The following PSIP1 variants were observed in gnomAD, a reference collection of about 807,000 sequenced individuals.
PSIP1 encodes the protein PC4 and SRSF1 interacting protein 1, also known as PC4 and SFRS1-interacting protein.
In PSIP1, 19 loss-of-function variants were observed where a neutral mutation model predicts 74.7. That is an observed-to-expected ratio of 0.25 (90% CI 0.18 to 0.37). The LOEUF (loss-of-function observed/expected upper bound fraction) is 0.37. Ranked by LOEUF, PSIP1 falls within the 10% of genes least tolerant of loss-of-function variation. The pLI, the probability that PSIP1 is intolerant of heterozygous loss-of-function variation, is 1.00. For synonymous variants in PSIP1, 222 were observed against 195.3 expected (o/e 1.14, Z -1.14); for missense variants, 601 against 614.3 (o/e 0.98, Z 0.23).
rs2037840355 is a variant in PSIP1 at position 15,510,881 on chromosome 9, A to G, written c.-206T>C. 2 of 152,292 alleles carry G rather than the reference A, an allele frequency of 1.3e-5. No individual in the cohort carries two copies. The highest frequency in any genetic ancestry group is 1.3e-4 in the Admixed American group (2 of 15,274). The allele number at this position is 152,292 out of a possible 1,614,324, so 9.4% of individuals were successfully genotyped here. ...GGTCGCCTCTACCCGCGTCCACGCA[A>G]GCCACCTGCGCCACCAGCTGCCGCA... is the stretch of plus-strand genomic sequence containing the variant. On this transcript the variant is annotated 5_prime_UTR_variant, in exon 1 of 16. Transcript: ENST00000380733.
chr9:15,490,504 G>A lies in PSIP1; in HGVS notation c.150-380C>T, dbSNP rs369898696. Among the ~76,000 whole-genome samples, 6 of 152,002 alleles carry A rather than the reference G, an allele frequency of 3.9e-5. No homozygotes were observed. In the East Asian group the frequency reaches 7.8e-4, roughly 20 times the overall value. Reference sequence around the variant, plus strand: ...TTGAGACCAGCCTGGCCAACATGGTGAAACCCCATCTCTACTAAAAATACA... The same window carrying A: ...TTGAGACCAGCCTGGCCAACATGGTAAAACCCCATCTCTACTAAAAATACA... On this transcript the variant is annotated intron_variant, in intron 3 of 15. Transcript: ENST00000380733.
chr9:15,486,924 G>A lies in PSIP1; in HGVS notation c.296C>T (p.Thr99Ile), dbSNP rs1355515622. 3 of 1,602,922 alleles carry A rather than the reference G, an allele frequency of 1.9e-6. No individual in the cohort carries two copies. The highest frequency in any genetic ancestry group is 2.2e-5 in the East Asian group (1 of 44,642). Residue 99 changes from threonine to isoleucine, a missense_variant, in exon 5 of 16, where the codon ACT becomes ATT. Transcript: ENST00000380733. ...ATCAGATGATGCATTTGATTGTTTA[G>A]TTGCTGCCTGTGAGCAATCAACTCT... ...KVKFSSQQAA[T>I]KQSNASSDVE...
In PSIP1 at chr9:15,477,619, C is replaced by T. The variant is rs552228217; in HGVS notation, c.629+858G>A. Among the ~76,000 whole-genome samples, 180 of 151,972 alleles carry T rather than the reference C, an allele frequency of 1.2e-3. 2 individuals are homozygous for T. The highest frequency in any genetic ancestry group is 4.1e-3 in the African/African-American group (168 of 41,458). Reference sequence around the variant, plus strand: ...ACAAAAAGTTTTTCTCCCCCTTTGTCTAAATATACTCTCTATTCCTTCTGG... The same window carrying T: ...ACAAAAAGTTTTTCTCCCCCTTTGTTTAAATATACTCTCTATTCCTTCTGG... On this transcript the variant is annotated intron_variant, in intron 8 of 15. Coordinates refer to ENST00000380733, the MANE Select transcript of PSIP1 (RefSeq NM_033222.5).
At chr9:15,501,155 C>T (rs995895624) in intron 3 of PSIP1, among the ~76,000 whole-genome samples, 2 of 151,774 alleles carry the variant, frequency 1.3e-5, no homozygotes, top group African/African-American at 2.4e-5. Flanking sequence ...GGTTATATAG[C>T]AGGTAAATGG....
intron 14 of PSIP1, 159 bp downstream of exon 14, chr9:15,468,471 T>A: frequency 1.2e-6 from 1 of 826,688 alleles, no homozygotes; most frequent in Admixed American, 1.7e-5. Context: ...CACACTGCTC[T>A]AGTCCTTCAA....
At chr9:15,506,140 G>C (rs1027092900) in intron 3 of PSIP1, 1 of 154,108 alleles carries the variant, frequency 6.5e-6, no homozygotes, top group Non-Finnish European at 1.4e-5. Flanking sequence ...TAAACACATG[G>C]AGGGAACTAG....
intron 3 of PSIP1, among the ~76,000 whole-genome samples, chr9:15,499,741 G>A (rs2037244096): frequency 6.6e-6 from 1 of 152,068 alleles, no homozygotes; most frequent in South Asian, 2.1e-4. Context: ...GGGCTTGGGG[G>A]CGCGTCCCTG....
chr9:15,490,139 G>C lies in PSIP1; in HGVS notation c.150-15C>G. 6.4e-7 allele frequency: 1 copy of C among 1,563,828 alleles called. No individual in the cohort carries two copies. Among genetic ancestry groups the C allele is most frequent in the South Asian group, 1.2e-5 (1 of 82,262 alleles). ...CTAAAAAAGCACTAAAAAAGAAGTG[G>C]GGAAGATGTGAGTGCAAAGCAAGCT... On this transcript the variant is annotated splice_polypyrimidine_tract_variant and intron_variant, in intron 3 of 15. Transcript: ENST00000380733.
chr9:15,496,671 T>C (rs2037088710), intron 3 of PSIP1, among the ~76,000 whole-genome samples: 1 of 152,230 alleles, frequency 6.6e-6, no homozygotes, highest in Admixed American at 6.5e-5. Context: ...TTATTAACCA[T>C]AATGGTTCAA....
chr9:15,465,425 C>T lies in PSIP1; in HGVS notation c.*95G>A, dbSNP rs2035550462. ...TCAAAACAAGTTTTCAACATCAAAC[C>T]TATGCTTATAAAAATTTAAAACTTT... On this transcript the variant is annotated 3_prime_UTR_variant, in exon 16 of 16. Transcript: ENST00000380733. 4.4e-6 allele frequency: 5 copies of T among 1,128,164 alleles called. No homozygotes were observed. The highest frequency in any genetic ancestry group is 2.8e-5 in the South Asian group (2 of 71,202). 69.9% of individuals were successfully genotyped at this position (1,128,164 alleles called of 1,614,324 possible). A position where few individuals can be genotyped will look rare whatever the true frequency, so the allele number is the denominator to read the frequency against.
chr9:15,495,717 A>G (rs1479716170), intron 3 of PSIP1, among the ~76,000 whole-genome samples: 1 of 152,182 alleles, frequency 6.6e-6, no homozygotes, highest in African/African-American at 2.4e-5. Flanking sequence ...CATGCTTTCA[A>G]TGATGTGAAA....
intron 14 of PSIP1, 110 bp downstream of exon 14, chr9:15,468,519 CT>C (rs1324441396): frequency 1.6e-6 from 2 of 1,236,560 alleles, no homozygotes; most frequent in Admixed American, 1.7e-5. Context: ...CCTTTGTATA[CT>C]TTTTCTGTGG....
rs2035893527 is a variant in PSIP1, at chr9:15,472,715, G to A, written c.894C>T (p.His298=). The A allele has an allele frequency of 2.5e-6, 4 of 1,606,472 alleles. No individual in the cohort carries two copies. The South Asian group carries it at 4.5e-5, about 18-fold the overall frequency. ...GTTGGCCTTTCAGCATATTCCTTCT[G>A]TGAGCAGTCTGAAAGTTCCTCCCAC... The part of the protein sequence containing the change: ...RKGGRNFQTA[H]RRNMLKGQHE... Residue 298 remains histidine, a synonymous_variant, in exon 10 of 16, where the codon CAC becomes CAT. Coordinates refer to ENST00000380733, the MANE Select transcript of PSIP1 (RefSeq NM_033222.5).
At chr9:15,500,667 T>C (rs2037300855) in intron 3 of PSIP1, among the ~76,000 whole-genome samples, 1 of 152,180 alleles carries the variant, frequency 6.6e-6, no homozygotes, top group Non-Finnish European at 1.5e-5. Context: ...TGCACTGACC[T>C]TCACTCCTAA....
At chr9:15,491,813 A>G (rs2036844657) in intron 3 of PSIP1, 1 of 152,750 alleles carries the variant, frequency 6.5e-6, no homozygotes, top group African/African-American at 2.4e-5. Context: ...GGGAGGCCCC[A>G]AGAAACTTAC....
chr9:15,481,445 C>T (rs1020923339), intron 6 of PSIP1, among the ~76,000 whole-genome samples: 7 of 152,244 alleles, frequency 4.6e-5, no homozygotes, highest in Non-Finnish European at 8.8e-5. Flanking sequence ...GTAATTCCCA[C>T]TCAGCGCTTT....
Position 15,478,625 on chromosome 9 carries a change from T to C in PSIP1, c.554-73A>G, listed in dbSNP as rs111391226. ...AGATACAAATCTCAGATATAAATAT[T>C]AGAAATGATACATACTATTTAAGAA... On this transcript the variant is annotated intron_variant, in intron 7 of 15. Coordinates refer to ENST00000380733, the MANE Select transcript of PSIP1 (RefSeq NM_033222.5). The C allele has an allele frequency of 7.1e-4, 719 of 1,019,456 alleles. 7 individuals carry two copies. Among genetic ancestry groups the C allele is most frequent in the Non-Finnish European group, 6.6e-4 (429 of 646,912 alleles). The allele number at this position is 1,019,456 out of a possible 1,614,324, so 63.2% of individuals were successfully genotyped here. A position where few individuals can be genotyped will look rare whatever the true frequency, so the allele number is the denominator to read the frequency against.
At chr9:15,479,880 A>C (rs750873892) in intron 6 of PSIP1, among the ~76,000 whole-genome samples, 193 bp from the exon 7 acceptor site, 67 of 152,160 alleles carry the variant, frequency 4.4e-4, no homozygotes, top group Non-Finnish European at 7.2e-4. Context: ...CTAGTGAACA[A>C]CTCTTAAAAA....
intron 3 of PSIP1, among the ~76,000 whole-genome samples, chr9:15,494,089 C>T (rs1221554653): frequency 6.6e-6 from 1 of 152,144 alleles, no homozygotes; most frequent in Non-Finnish European, 1.5e-5. Context: ...GAAAATGGAA[C>T]TGATACTTAT....
Sources: allele counts gnomAD v4.1 joint callset (sites outside exome capture counted in the v4.1 genomes callset), GRCh38; gene constraint gnomAD v4.1.1; transcripts MANE v1.5; gene names NCBI Gene and HGNC (gene_info 2026-07-23, HGNC 2026-07-21).